Variants in STX3 observed in about 807,000 individuals in gnomAD.
STX3 encodes the protein syntaxin-3.
In STX3, 19 loss-of-function variants were observed where a neutral mutation model predicts 40.2. That is an observed-to-expected ratio of 0.47 (90% CI 0.33 to 0.69). The LOEUF (loss-of-function observed/expected upper bound fraction) is 0.69. Among genes scored for constraint, STX3 ranks in the 30% least tolerant of loss-of-function variants. The pLI is 0.02. For synonymous variants in STX3, 122 were observed against 132.2 expected (o/e 0.92, Z 0.53); for missense variants, 364 against 366.7 (o/e 0.99, Z 0.06).
At chr11:59,775,093 G>A (rs886343375) in intron 2 of STX3, among the ~76,000 whole-genome samples, 3 of 151,956 alleles carry the variant, frequency 2.0e-5, no homozygotes, top group Non-Finnish European at 4.4e-5. Context: ...TAACCCTCCA[G>A]TTTTTTTTCT....
rs371418833 is a variant in STX3 at position 59,788,956 on chromosome 11, G to T, written c.289+9G>T. 2.5e-6 allele frequency: 4 copies of T among 1,605,258 alleles called. No homozygotes were observed. The highest frequency in any genetic ancestry group is 3.4e-6 in the Non-Finnish European group (4 of 1,175,374). ...CCGGAACAAACTGAAGAGTAAGAAG[G>T]GAACAAAGAAAACAAGGCCGTCCCC... On this transcript the variant is annotated intron_variant, in intron 4 of 10. Coordinates refer to ENST00000337979, the MANE Select transcript of STX3 (RefSeq NM_004177.5).
chr11:59,759,477 A>G (rs1454028061), intron 1 of STX3, among the ~76,000 whole-genome samples: 1 of 152,242 alleles, frequency 6.6e-6, no homozygotes, highest in Non-Finnish European at 1.5e-5. Flanking sequence ...AAATGATCAC[A>G]TAGGGAAGAC....
Position 59,800,933 on chromosome 11 carries a change from G to T in STX3, c.*109G>T, listed in dbSNP as rs1359658377. 6.5e-7 allele frequency: 1 copy of T among 1,536,016 alleles called. No individual in the cohort carries two copies. The highest frequency in any genetic ancestry group is 8.7e-7 in the Non-Finnish European group (1 of 1,146,842). On this transcript the variant is annotated 3_prime_UTR_variant, in exon 11 of 11. Coordinates refer to ENST00000337979, the MANE Select transcript of STX3 (RefSeq NM_004177.5). Reference sequence around the variant, plus strand: ...GAGTCTGAATGGCCTTCCTGAGAGCGAGTGCGACCCGTTCCTTTGTTTCCT... The same window carrying T: ...GAGTCTGAATGGCCTTCCTGAGAGCTAGTGCGACCCGTTCCTTTGTTTCCT...
In STX3 at chr11:59,800,933, G is replaced by A; in HGVS notation, c.*109G>A. 2.6e-6 allele frequency: 4 copies of A among 1,536,134 alleles called. No homozygotes were observed. The highest frequency in any genetic ancestry group is 2.6e-6 in the Non-Finnish European group (3 of 1,146,834). On this transcript the variant is annotated 3_prime_UTR_variant, in exon 11 of 11. Transcript: ENST00000337979. ...GAGTCTGAATGGCCTTCCTGAGAGC[G>A]AGTGCGACCCGTTCCTTTGTTTCCT...
chr11:59,759,589 C>CT (rs1862923709), intron 1 of STX3, among the ~76,000 whole-genome samples: 1 of 152,194 alleles, frequency 6.6e-6, no homozygotes, highest in Non-Finnish European at 1.5e-5. Flanking sequence ...AGGCTTTGGA[C>CT]TCCCTTGGAG....
At chr11:59,783,804 A>G (rs1177336210) in intron 2 of STX3, among the ~76,000 whole-genome samples, 2 of 152,226 alleles carry the variant, frequency 1.3e-5, no homozygotes, top group Admixed American at 6.5e-5. Flanking sequence ...AGAAAGCTCT[A>G]TGGTTGGCCA....
chr11:59,780,294 A>C (rs1357137344), intron 2 of STX3, among the ~76,000 whole-genome samples: 1 of 152,210 alleles, frequency 6.6e-6, no homozygotes, highest in African/African-American at 2.4e-5. Flanking sequence ...CCTTATAAAA[A>C]GAGACGTGAG....
chr11:59,756,948 A>G (rs1006623234), intron 1 of STX3, among the ~76,000 whole-genome samples: 11 of 152,174 alleles, frequency 7.2e-5, no homozygotes, highest in African/African-American at 2.2e-4. Context: ...TGAGACCTTC[A>G]TTCCTGTTTC....
In STX3 at chr11:59,787,109, A is replaced by G. The variant is rs147225705; in HGVS notation, c.187A>G (p.Ile63Val). The change falls in exon 3 of 11, where the codon ATT becomes GTT. Residue 63 changes from isoleucine to valine, a missense_variant. Coordinates refer to ENST00000337979, the MANE Select transcript of STX3 (RefSeq NM_004177.5). ...VEEAKKLYSI[I>V]LSAPIPEPKT... ...GGAGGCTAAGAAACTCTACAGTATC[A>G]TTCTCTCTGCACCGATTCCAGAGCC... 4.3e-5 allele frequency: 69 copies of G among 1,614,198 alleles called. No individual in the cohort carries two copies. The African/African-American group carries it at 8.0e-4, about 19-fold the overall frequency.
chr11:59,771,545 G>A (rs746253434), intron 1 of STX3, among the ~76,000 whole-genome samples: 30 of 152,006 alleles, frequency 2.0e-4, no homozygotes, highest in Non-Finnish European at 3.7e-4. Context: ...TTTTGCATGC[G>A]GGAGCCATGC....
chr11:59,773,387 A>G, intron 2 of STX3, 93 bp downstream of exon 2: 3 of 1,337,430 alleles, frequency 2.2e-6, no homozygotes, highest in Non-Finnish European at 3.2e-6. Flanking sequence ...TCAGGGTAGC[A>G]GAGGAAGGTC....
rs1030429183 is a variant in STX3 at position 59,793,230 on chromosome 11, G to A, written c.540+58G>A. The A allele has an allele frequency of 4.7e-5, 75 of 1,607,876 alleles. No individual in the cohort carries two copies. In the East Asian group the frequency reaches 1.4e-3, roughly 30 times the overall value. On this transcript the variant is annotated intron_variant, in intron 7 of 10. Coordinates refer to ENST00000337979, the MANE Select transcript of STX3 (RefSeq NM_004177.5). ...CTCTCGTGAGCAGGGAGGCCACTGC[G>A]GAGCTCATGCAGTCCAGCAGGTGGA... is the stretch of plus-strand genomic sequence containing the variant.
chr11:59,770,910 G>A (rs1863584680), intron 1 of STX3, among the ~76,000 whole-genome samples: 1 of 152,138 alleles, frequency 6.6e-6, no homozygotes, highest in Non-Finnish European at 1.5e-5. Flanking sequence ...GCCAAGGGGT[G>A]TTGTGGGAAG....
rs116431140 is a variant in STX3 at position 59,792,341 on chromosome 11, G to C, written c.466+126G>C. The C allele has an allele frequency of 2.3e-3, 1,598 of 687,426 alleles. 14 individuals are homozygous for C. In the African/African-American group the frequency reaches 0.024, roughly 10 times the overall value. The allele number at this position is 687,426 out of a possible 1,614,324, so 42.6% of individuals were successfully genotyped here. On this transcript the variant is annotated intron_variant, in intron 6 of 10. Coordinates refer to ENST00000337979, the MANE Select transcript of STX3 (RefSeq NM_004177.5). ...TGTGCCTAAGTCTAGGGCAGCTCCTGCACCACTGGCACATCCCGAATGCTG... is the reference window on the plus strand; with the variant it reads ...TGTGCCTAAGTCTAGGGCAGCTCCTCCACCACTGGCACATCCCGAATGCTG...
At chr11:59,795,226 A>G in intron 8 of STX3, 146 bp from the exon 9 acceptor site, 2 of 643,670 alleles carry the variant, frequency 3.1e-6, no homozygotes, top group Non-Finnish European at 5.4e-6. Context: ...AGGACTGTGA[A>G]TGGGTGTCCT....
intron 1 of STX3, among the ~76,000 whole-genome samples, chr11:59,772,312 A>G (rs190379317): frequency 6.6e-6 from 1 of 152,348 alleles, no homozygotes; most frequent in East Asian, 1.9e-4. Context: ...AGGAATGTAG[A>G]AACAGCTCAG....
chr11:59,768,429 T>C (rs41384548), intron 1 of STX3, among the ~76,000 whole-genome samples: 15,804 of 152,038 alleles, frequency 0.1, 1,156 homozygotes, highest in African/African-American at 0.2. Flanking sequence ...GTGGGAGAAA[T>C]GGGCCCTGTG....
intron 9 of STX3, chr11:59,795,750 G>A (rs1865482398): frequency 6.6e-7 from 1 of 1,512,582 alleles, no homozygotes; most frequent in Admixed American, 2.0e-5. Flanking sequence ...CGTCTCAGCT[G>A]TCTTACTAGT....
Position 59,801,501 on chromosome 11 carries a change from G to C in STX3, c.*677G>C. On this transcript the variant is annotated 3_prime_UTR_variant, in exon 11 of 11. Transcript: ENST00000337979. ...CTCATATTTACTCAAGGAGGGACCAGGATGATACAGTCATCTGAGGTTATG... is the reference window on the plus strand; with the variant it reads ...CTCATATTTACTCAAGGAGGGACCACGATGATACAGTCATCTGAGGTTATG... The C allele has an allele frequency of 1.0e-6, 1 of 985,576 alleles. No individual in the cohort carries two copies. Among genetic ancestry groups the C allele is most frequent in the Non-Finnish European group, 1.2e-6 (1 of 830,062 alleles). The allele number at this position is 985,576 out of a possible 1,614,324, so 61.1% of individuals were successfully genotyped here.
Sources: gnomAD v4.1 joint callset for allele counts (sites outside exome capture counted in the v4.1 genomes callset) on GRCh38, gnomAD v4.1.1 for gene constraint, MANE v1.5 for transcripts, NCBI Gene and HGNC (gene_info 2026-07-23, HGNC 2026-07-21) for gene names.